The following PCLO variants were observed in gnomAD, a reference collection of about 807,000 sequenced individuals.
PCLO encodes the protein piccolo presynaptic cytomatrix protein, also known as protein piccolo.
PCLO carries 82 observed loss-of-function variants against 427.5 expected under a neutral mutation model. That is an observed-to-expected ratio of 0.19 (90% confidence interval 0.16 to 0.23). The LOEUF is 0.23. PCLO is among the 10% of genes least tolerant of loss of function. PCLO has a pLI of 1.00. For missense variants in PCLO, 6,239 were observed against 6,115.9 expected (o/e 1.02, Z -0.67); for synonymous variants, 2,357 against 2,155.4 (o/e 1.09, Z -2.59).
intron 20 of PCLO, among the ~76,000 whole-genome samples, chr7:82,807,616 T>C (rs1791480673): frequency 6.6e-6 from 1 of 152,062 alleles, no homozygotes; most frequent in Non-Finnish European, 1.5e-5. Context: ...TTCTTCACTT[T>C]TTCAATTTCG....
chr7:82,789,606 G>C (rs537587972), intron 22 of PCLO, among the ~76,000 whole-genome samples: 1 of 152,304 alleles, frequency 6.6e-6, no homozygotes, highest in African/African-American at 2.4e-5. Flanking sequence ...TCGGGAGGCT[G>C]AGGCAGGAGA....
intron 7 of PCLO, among the ~76,000 whole-genome samples, chr7:82,911,684 G>A (rs895466375): frequency 1.3e-5 from 2 of 151,970 alleles, no homozygotes; most frequent in African/African-American, 4.8e-5. Context: ...GTGCAGTGGC[G>A]TGATCTCAAC....
At chr7:82,933,509 C>A (rs1364115764) in intron 6 of PCLO, among the ~76,000 whole-genome samples, 1 of 151,904 alleles carries the variant, frequency 6.6e-6, no homozygotes, top group Non-Finnish European at 1.5e-5. Context: ...CACAGCATCA[C>A]CCTTACAAGT....
At position 83,162,468 on chromosome 7, in the gene PCLO, T is replaced by A. The variant is rs1212960568; in HGVS notation, c.125A>T (p.Glu42Val). ...PSHTAIPAGMEADLSQLSEEE... is the reference protein window; with the variant it reads ...PSHTAIPAGMVADLSQLSEEE... The stretch of plus-strand genomic sequence containing the variant: ...TTCGCTCAGCTGGCTCAAATCCGCC[T>A]CCATGCCGGCCGGGATCGCGGTGTG... Residue 42 changes from glutamate to valine, a missense_variant, in exon 1 of 25, where the codon GAG becomes GTG. Glu to Val is a moderately radical substitution (Grantham distance 121). Coordinates refer to ENST00000333891, the MANE Select transcript of PCLO (RefSeq NM_033026.6). The A allele has an allele frequency of 1.9e-6, 3 of 1,587,510 alleles. No individual in the cohort carries two copies. The highest frequency in any genetic ancestry group is 1.7e-6 in the Non-Finnish European group (2 of 1,166,806).
rs566117206 is a variant in PCLO, at chr7:82,758,740, CAT to C, written c.15289-27_15289-26del. On this transcript the variant is annotated intron_variant, in intron 24 of 24. Transcript: ENST00000333891. ...TCTAGAAAAAATAGGCAAAAATAAA[CAT>C]ATTTAATTTATACACATATACATGT... 3.9e-3 allele frequency: 5,612 copies of C among 1,442,542 alleles called. 24 individuals carry two copies. Among genetic ancestry groups the C allele is most frequent in the Middle Eastern group, 9.9e-3 (56 of 5,644 alleles). The allele number at this position is 1,442,542 out of a possible 1,614,324, so 89.4% of individuals were successfully genotyped here. A position where few individuals can be genotyped will look rare whatever the true frequency, so the allele number is the denominator to read the frequency against.
At position 82,874,523 on chromosome 7, in the gene PCLO, T is replaced by C. The variant is rs949500075; in HGVS notation, c.13654+4814A>G. ...CCAAATTTGGAGAGGGTTGAAACAT[T>C]GATCTTAGGTGAACATATGCAGATA... On this transcript the variant is annotated intron_variant, in intron 10 of 24. Coordinates refer to ENST00000333891, the MANE Select transcript of PCLO (RefSeq NM_033026.6). Among the ~76,000 whole-genome samples, 3 of 152,178 alleles carry C rather than the reference T, an allele frequency of 2.0e-5. No individual in the cohort carries two copies. In the East Asian group the frequency reaches 5.8e-4, roughly 29 times the overall value.
chr7:82,826,744 T>G, intron 17 of PCLO, 84 bp from the exon 18 acceptor site: 1 of 783,734 alleles, frequency 1.3e-6, no homozygotes, highest in Non-Finnish European at 2.0e-6. Flanking sequence ...CATATTTATT[T>G]TTTTCCTTAA....
rs1792335864 is a variant in PCLO, at chr7:82,840,297, C to A, written c.14097+1162G>T. ...TAGTTTGTTCTTAGTAACGTGTCAA[C>A]CTTCTGCACATTTTCTCCATTTCCA... On this transcript the variant is annotated intron_variant, in intron 14 of 24. Transcript: ENST00000333891. Among the ~76,000 whole-genome samples the A allele has an allele frequency of 2.6e-5, 4 of 152,050 alleles. No individual in the cohort carries two copies. In the South Asian group the frequency reaches 8.3e-4, roughly 32 times the overall value.
chr7:82,999,417 A>G (rs1348779737), intron 3 of PCLO, among the ~76,000 whole-genome samples: 1 of 21,124 alleles, frequency 4.7e-5, no homozygotes, highest in Admixed American at 6.8e-4. Context: ...CCATTATATA[A>G]TATATTATAT....
In PCLO at chr7:82,916,449, C is replaced by T. The variant is rs752373004; in HGVS notation, c.11537G>A (p.Arg3846Gln). The change falls in exon 7 of 25, where the codon CGA becomes CAA. Residue 3846 changes from arginine (R) to glutamine (Q), a missense_variant. By Grantham distance (43) the Arg-to-Gln change is conservative. This residue lies in a region of PCLO where 680 missense variants were observed against 677.3 expected (regional missense o/e 1.00). Transcript: ENST00000333891. ...DSEVSSTRPTRIESQHGIERP... is the reference protein window; with the variant it reads ...DSEVSSTRPTQIESQHGIERP... ...CTCAATGCCATGCTGACTTTCTATTCGGGTTGGTCTTGTGCTACTCACTTC... is the reference window on the plus strand; with the variant it reads ...CTCAATGCCATGCTGACTTTCTATTTGGGTTGGTCTTGTGCTACTCACTTC... The T allele has an allele frequency of 3.0e-5, 48 of 1,613,528 alleles. No homozygotes were observed. The highest frequency in any genetic ancestry group is 2.1e-4 in the African/African-American group (16 of 74,874).
At position 82,757,419 on chromosome 7, in the gene PCLO, T is replaced by C. The variant is rs1790341103; in HGVS notation, c.*1156A>G. 3 of 152,102 alleles carry C rather than the reference T, an allele frequency of 2.0e-5. No homozygotes were observed. Among genetic ancestry groups the C allele is most frequent in the Non-Finnish European group, 4.4e-5 (3 of 67,922 alleles). 9.4% of individuals were successfully genotyped at this position (152,102 alleles called of 1,614,324 possible). ...GATCACTGTGATACTGTCACTAAAG[T>C]AAGAAAATAGAGCACTAGAGAGAAC... is the stretch of plus-strand genomic sequence containing the variant. On this transcript the variant is annotated 3_prime_UTR_variant, in exon 25 of 25. Coordinates refer to ENST00000333891, the MANE Select transcript of PCLO (RefSeq NM_033026.6).
intron 9 of PCLO, among the ~76,000 whole-genome samples, chr7:82,885,175 T>G (rs910129364): frequency 4.6e-5 from 7 of 152,164 alleles, no homozygotes; most frequent in African/African-American, 1.7e-4. Context: ...GGATTCCATC[T>G]TAAGAGGTTA....
At chr7:83,138,689 C>T (rs1053172758) in intron 2 of PCLO, among the ~76,000 whole-genome samples, 1 of 151,782 alleles carries the variant, frequency 6.6e-6, no homozygotes, top group Non-Finnish European at 1.5e-5. Flanking sequence ...ATATCCCTGT[C>T]CTGATGGAGG....
At chr7:82,985,875 T>TA (rs1422553940) in intron 3 of PCLO, among the ~76,000 whole-genome samples, 3 of 152,006 alleles carry the variant, frequency 2.0e-5, no homozygotes, top group African/African-American at 7.2e-5. Context: ...TACTGTTGTC[T>TA]AGTCTCATGC....
chr7:83,060,689 A>C (rs1230187167), intron 3 of PCLO, among the ~76,000 whole-genome samples: 1 of 152,204 alleles, frequency 6.6e-6, no homozygotes, highest in Non-Finnish European at 1.5e-5. Flanking sequence ...TATAAAAGTC[A>C]CTGGTGGTGG....
chr7:82,817,974 G>T (rs1791711936), intron 20 of PCLO, among the ~76,000 whole-genome samples: 1 of 152,054 alleles, frequency 6.6e-6, no homozygotes, highest in South Asian at 2.1e-4. Flanking sequence ...AATCTTCAAG[G>T]TTTTAGGAAT....
intron 8 of PCLO, among the ~76,000 whole-genome samples, chr7:82,908,384 A>G (rs746108917): frequency 1.3e-5 from 2 of 152,126 alleles, no homozygotes; most frequent in African/African-American, 2.4e-5. Flanking sequence ...TCAAAAATAC[A>G]TAACAAAACA....
chr7:83,020,437 G>T (rs542288762), intron 3 of PCLO, among the ~76,000 whole-genome samples: 1 of 152,200 alleles, frequency 6.6e-6, no homozygotes, highest in South Asian at 2.1e-4. Context: ...AATCATGCAG[G>T]ATCCATCCTT....
intron 22 of PCLO, among the ~76,000 whole-genome samples, chr7:82,800,558 T>C (rs1488479724): frequency 6.6e-6 from 1 of 151,832 alleles, no homozygotes; most frequent in Non-Finnish European, 1.5e-5. Flanking sequence ...TAGAGAGAGG[T>C]TGGAATGACA....
Sources: gnomAD v4.1 joint callset for allele counts (sites outside exome capture counted in the v4.1 genomes callset) on GRCh38, gnomAD v4.1.1 for gene constraint, gnomAD v4.1.1 regional missense constraint, MANE v1.5 for transcripts, NCBI Gene and HGNC (gene_info 2026-07-23, HGNC 2026-07-21) for gene names.